BBS12: variants seen among roughly 807,000 people sequenced by gnomAD.
BBS12 encodes chaperonin-containing T-complex member BBS12.
Under a neutral mutation model 5.6 loss-of-function variants are expected in BBS12, and 5 were observed. The ratio of observed to expected loss-of-function variants is 0.89; its 90% CI spans 0.46 to 1.86. The LOEUF (loss-of-function observed/expected upper bound fraction) is 1.86, where lower values mean the gene tolerates loss of function less well. BBS12 is among the 40% of genes most tolerant of loss of function. The probability of loss-of-function intolerance (pLI) is 0.01; values close to 1 mark genes in which losing one functional copy is unlikely to be tolerated. For synonymous variants in BBS12, 308 were observed against 306.8 expected, an observed-to-expected ratio of 1.00 and a Z score of -0.04; for missense variants, 748 against 830.4, an observed-to-expected ratio of 0.90 and a Z score of 1.22.
At position 122,742,987 on chromosome 4, in the gene BBS12, G is replaced by T. The variant is rs569907220; in HGVS notation, c.1095G>T (p.Glu365Asp). 8.1e-6 allele frequency: 13 copies of T among 1,614,204 alleles called. No individual in the cohort carries two copies. The highest frequency in any genetic ancestry group is 5.3e-5 in the African/African-American group (4 of 75,052). ...TTCTCATTGAGGGTGACCTCACAGA[G>T]AATTACCGCCACCTGGGATTTAATA... The part of the protein sequence containing the change: ...RIVLIEGDLT[E>D]NYRHLGFNKS... Residue 365 changes from glutamate to aspartate, a missense_variant, in exon 2 of 2, where the codon GAG (glutamate) becomes GAT (aspartate). Glu to Asp is a conservative substitution (Grantham distance 45, BLOSUM62 2). Transcript: ENST00000314218.
the BBS12 span, among the ~76,000 whole-genome samples, chr4:122,717,978 A>T: frequency 6.6e-6 from 1 of 152,162 alleles, no homozygotes; most frequent in Non-Finnish European, 1.5e-5. Flanking sequence ...AGCCCAGAAG[A>T]GCAATTTACT....
At chr4:122,735,387 G>A (rs1800770782) in intron 1 of BBS12, among the ~76,000 whole-genome samples, 1 of 152,180 alleles carries the variant, frequency 6.6e-6, no homozygotes, top group African/African-American at 2.4e-5. Context: ...CATATATCAA[G>A]CCAAGGAGTA....
chr4:122,704,503 A>T, the BBS12 span, among the ~76,000 whole-genome samples: 372 of 152,284 alleles, frequency 2.4e-3, 1 homozygote, highest in African/African-American at 7.2e-3. Flanking sequence ...TCATCTCTTG[A>T]TCCAAACCAC....
At chr4:122,708,785 G>A in the BBS12 span, among the ~76,000 whole-genome samples, 3 of 151,788 alleles carry the variant, frequency 2.0e-5, no homozygotes, top group Non-Finnish European at 4.4e-5. Flanking sequence ...ATTGTGCCCC[G>A]TACATGTATA....
At chr4:122,739,828 C>T (rs1005487915) in intron 1 of BBS12, among the ~76,000 whole-genome samples, 18 of 152,252 alleles carry the variant, frequency 1.2e-4, no homozygotes, top group African/African-American at 4.3e-4. Context: ...ATTATTAGAA[C>T]ACGTCCCATG....
rs1490785954 is a variant in BBS12 at position 122,743,570 on chromosome 4, AAAG to A, written c.1681_1683del (p.Glu561del). ...TATTCTTGCAGAGCAATCTCTGAAA[AAAG>A]AAAACCATGCCTGCTCAGGGTGGCT... On this transcript the variant is annotated inframe_deletion, in exon 2 of 2. Transcript: ENST00000314218. 5.0e-6 allele frequency: 8 copies of A among 1,614,186 alleles called. No individual in the cohort carries two copies. In the East Asian group the frequency reaches 1.3e-4, roughly 27 times the overall value.
chr4:122,732,455 A>T (rs977515448), upstream of BBS12: 1 of 152,156 alleles, frequency 6.6e-6, no homozygotes, highest in East Asian at 1.9e-4. Context: ...CTCAGCCGGG[A>T]CCTCCCGGCG....
intron 1 of BBS12, among the ~76,000 whole-genome samples, chr4:122,739,409 C>A (rs1206888521): frequency 6.6e-6 from 1 of 151,570 alleles, no homozygotes; most frequent in African/African-American, 2.4e-5. Context: ...GGCTGGATGT[C>A]CCACAGCACT....
intron 1 of BBS12, among the ~76,000 whole-genome samples, chr4:122,741,495 AT>A (rs1478755241): frequency 1.3e-5 from 2 of 152,086 alleles, no homozygotes; most frequent in Non-Finnish European, 2.9e-5. Context: ...GCTCCACTAC[AT>A]TTTTTATATT....
At chr4:122,740,894 C>A (rs1253293628) in intron 1 of BBS12, among the ~76,000 whole-genome samples, 1 of 152,016 alleles carries the variant, frequency 6.6e-6, no homozygotes, top group Non-Finnish European at 1.5e-5. Context: ...CTATTATTAT[C>A]CCTGTTTTTT....
At chr4:122,714,575 T>C in the BBS12 span, among the ~76,000 whole-genome samples, 2 of 150,904 alleles carry the variant, frequency 1.3e-5, no homozygotes, top group Admixed American at 1.3e-4. Context: ...AGGTCAGGAG[T>C]TCAAGACCAG....
chr4:122,726,492 A>G, the BBS12 span, among the ~76,000 whole-genome samples: 3 of 152,230 alleles, frequency 2.0e-5, no homozygotes, highest in Admixed American at 2.0e-4. Context: ...AAACTAATAC[A>G]GCCACTATGG....
intron 1 of BBS12, among the ~76,000 whole-genome samples, chr4:122,739,764 C>T (rs1353837725): frequency 6.6e-6 from 1 of 152,206 alleles, no homozygotes; most frequent in African/African-American, 2.4e-5. Context: ...AGCTCAGTGG[C>T]AGTCAGCCAC....
chr4:122,719,020 C>G, the BBS12 span, among the ~76,000 whole-genome samples: 1 of 152,096 alleles, frequency 6.6e-6, no homozygotes, highest in Admixed American at 6.6e-5. Context: ...AGAGTTTCAC[C>G]ATGTTAGCCA....
the BBS12 span, among the ~76,000 whole-genome samples, chr4:122,716,696 T>C: frequency 7.9e-6 from 1 of 126,008 alleles, no homozygotes; most frequent in African/African-American, 3.8e-5. Context: ...TATGTGTATG[T>C]GTGTGTATAC....
the BBS12 span, among the ~76,000 whole-genome samples, chr4:122,719,047 C>A: frequency 6.6e-6 from 1 of 152,144 alleles, no homozygotes; most frequent in African/African-American, 2.4e-5. Context: ...TCTCGATCTC[C>A]TGACCTCGTG....
chr4:122,742,670 C>A lies in BBS12; in HGVS notation c.778C>A (p.His260Asn). 1 of 1,614,206 alleles carries A rather than the reference C, an allele frequency of 6.2e-7. No individual in the cohort carries two copies. Among genetic ancestry groups the A allele is most frequent in the Non-Finnish European group, 8.5e-7 (1 of 1,180,038 alleles). Residue 260 changes from histidine (H) to asparagine (N), a missense_variant, in exon 2 of 2, where the codon CAC (histidine) becomes AAC (asparagine). His to Asn is a moderately conservative substitution (Grantham distance 68, BLOSUM62 1). Transcript: ENST00000314218. ...ATTTCAAGAACATGTTACAGCTACTCACAAAACTTACAGATGTAATGATTT... is the reference window on the plus strand; with the variant it reads ...ATTTCAAGAACATGTTACAGCTACTAACAAAACTTACAGATGTAATGATTT... ...DGFQEHVTAT[H>N]KTYRCNDLVE...
chr4:122,717,620 C>T, the BBS12 span, among the ~76,000 whole-genome samples: 5 of 152,268 alleles, frequency 3.3e-5, no homozygotes, highest in East Asian at 9.7e-4. Context: ...ACCTCGACCA[C>T]CTGGGCTCAG....
chr4:122,707,054 C>CTCTCTTTTTTTTTTT, the BBS12 span, among the ~76,000 whole-genome samples: 1 of 72,250 alleles, frequency 1.4e-5, no homozygotes, highest in East Asian at 7.0e-4. Flanking sequence ...CTCTCTCTCT[C>CTCTCTTTTTTTTTTT]TTTTTTTTTT....
Sources: gnomAD v4.1 joint callset for allele counts (sites outside exome capture counted in the v4.1 genomes callset) on GRCh38, gnomAD v4.1.1 for gene constraint, MANE v1.5 for transcripts, NCBI Gene and HGNC (gene_info 2026-07-23, HGNC 2026-07-21) for gene names.